Variants in VEPH1 observed in about 807,000 individuals in gnomAD.
VEPH1 encodes the protein ventricular zone-expressed PH domain-containing protein homolog 1.
A neutral mutation model predicts 85.2 loss-of-function variants in VEPH1; 80 were observed. That is an observed-to-expected ratio of 0.94 (90% CI 0.78 to 1.13). The LOEUF is 1.13. Ranked by LOEUF, VEPH1 falls within the 50% of genes most tolerant of loss-of-function variation. VEPH1 has a pLI of 0.00. For missense variants in VEPH1, 955 were observed against 980.5 expected (o/e 0.97, Z 0.35); for synonymous variants, 297 against 348.0 (o/e 0.85, Z 1.63).
intron 10 of VEPH1, chr3:157,316,136 A>T (rs1720731516): frequency 6.6e-6 from 1 of 152,020 alleles, no homozygotes; most frequent in Non-Finnish European, 1.5e-5. Context: ...ATTAAAATTC[A>T]TTATTTCCCA....
At chr3:157,442,530 C>T (rs1577670464) in intron 4 of VEPH1, 2 of 1,614,136 alleles carry the variant, frequency 1.2e-6, no homozygotes, top group East Asian at 4.5e-5. Context: ...AAAGAGGAAT[C>T]CATATGAAAT....
At chr3:157,437,648 GGGA>G (rs1733722792) in intron 4 of VEPH1, 1 of 1,546,480 alleles carries the variant, frequency 6.5e-7, no homozygotes, top group South Asian at 1.2e-5. Flanking sequence ...CAGAGGCTGC[GGGA>G]GGAGCTGGGC....
intron 12 of VEPH1, among the ~76,000 whole-genome samples, chr3:157,284,218 T>A (rs982138590): frequency 4.6e-5 from 7 of 152,234 alleles, no homozygotes; most frequent in African/African-American, 1.7e-4. Context: ...ATTCATTCAT[T>A]CATTCATTCA....
At chr3:157,351,682 A>G (rs1008663624) in intron 9 of VEPH1, among the ~76,000 whole-genome samples, 2 of 152,174 alleles carry the variant, frequency 1.3e-5, no homozygotes, top group Non-Finnish European at 2.9e-5. Flanking sequence ...TGCTGATTCA[A>G]TAGGTCTAGG....
At position 157,414,018 on chromosome 3, in the gene VEPH1, T is replaced by A; in HGVS notation, c.769A>T (p.Ile257Phe). The change falls in exon 6 of 14, where the codon ATC becomes TTC. Residue 257 changes from isoleucine to phenylalanine, a missense_variant. Transcript: ENST00000362010. ...TCATAGACTGCTATCTCTATGAGGATGTTTAGGATGATGTCATTATGGGTT... is the reference window on the plus strand; with the variant it reads ...TCATAGACTGCTATCTCTATGAGGAAGTTTAGGATGATGTCATTATGGGTT... ...DSTHNDIILN[I>F]LIEIAVYEPV... 6.2e-7 allele frequency: 1 copy of A among 1,613,492 alleles called. No individual in the cohort carries two copies.
chr3:157,484,595 T>C (rs778689924), intron 2 of VEPH1, among the ~76,000 whole-genome samples: 5 of 152,200 alleles, frequency 3.3e-5, no homozygotes, highest in Non-Finnish European at 7.4e-5. Flanking sequence ...ATACATTTTT[T>C]TAAAGCCTCT....
At position 157,335,673 on chromosome 3, in the gene VEPH1, G is replaced by A. The variant is rs564106345; in HGVS notation, c.1736-18472C>T. ...AGTGTGGGACAGAAGAAGGAATAGA[G>A]TACAAAAAGTGTCCATCTCTACAAA... On this transcript the variant is annotated intron_variant, in intron 9 of 13. Coordinates refer to ENST00000362010, the MANE Select transcript of VEPH1 (RefSeq NM_001167912.2). 2.4e-4 allele frequency among the ~76,000 whole-genome samples: 37 copies of A among 152,222 alleles called. 1 individual carries two copies. Among genetic ancestry groups the A allele is most frequent in the African/African-American group, 8.9e-4 (37 of 41,542 alleles).
At chr3:157,341,994 C>G (rs1028165550) in intron 9 of VEPH1, among the ~76,000 whole-genome samples, 1 of 152,170 alleles carries the variant, frequency 6.6e-6, no homozygotes, top group South Asian at 2.1e-4. Context: ...TTGTCACCAC[C>G]AGGCCTGCCC....
intron 6 of VEPH1, among the ~76,000 whole-genome samples, chr3:157,382,417 A>C (rs868659592): frequency 1.1e-4 from 16 of 152,346 alleles, no homozygotes; most frequent in Middle Eastern, 3.4e-3. Flanking sequence ...GAAGTTAGCC[A>C]AAAAATTCAA....
In VEPH1 at chr3:157,271,590, G is replaced by A. The variant is rs183466625; in HGVS notation, c.2129-5928C>T. Reference sequence around the variant, plus strand: ...GTGGCCTGGAATAGAGGACACTGTCGACCCTCGGTGTCCAAGCAGGGAGGC... The same window carrying A: ...GTGGCCTGGAATAGAGGACACTGTCAACCCTCGGTGTCCAAGCAGGGAGGC... On this transcript the variant is annotated intron_variant, in intron 12 of 13. Coordinates refer to ENST00000362010, the MANE Select transcript of VEPH1 (RefSeq NM_001167912.2). Among the ~76,000 whole-genome samples the A allele has an allele frequency of 2.2e-3, 331 of 152,212 alleles. 1 individual carries two copies. The highest frequency in any genetic ancestry group is 3.4e-3 in the Non-Finnish European group (230 of 68,012).
chr3:157,409,785 G>T, intron 6 of VEPH1: 1 of 985,298 alleles, frequency 1.0e-6, no homozygotes, highest in African/African-American at 1.7e-5. Flanking sequence ...AGAAGGTGAG[G>T]CATAAGCCAA....
intron 9 of VEPH1, among the ~76,000 whole-genome samples, chr3:157,334,045 G>T (rs565402506): frequency 2.0e-5 from 3 of 152,258 alleles, no homozygotes; most frequent in African/African-American, 7.2e-5. Context: ...TTGGTGCAGG[G>T]TATATAGGAC....
At chr3:157,424,122 G>T (rs1421754676) in intron 5 of VEPH1, among the ~76,000 whole-genome samples, 1 of 152,128 alleles carries the variant, frequency 6.6e-6, no homozygotes, top group Non-Finnish European at 1.5e-5. Flanking sequence ...TTTGAATAAT[G>T]GGGGAAGTTT....
chr3:157,385,802 AACTT>A (rs1729230105), intron 6 of VEPH1, among the ~76,000 whole-genome samples: 1 of 152,206 alleles, frequency 6.6e-6, no homozygotes, highest in South Asian at 2.1e-4. Context: ...GACTTTAATT[AACTT>A]TGTATCCTAT....
chr3:157,330,172 T>C (rs983139409), intron 9 of VEPH1, among the ~76,000 whole-genome samples: 8 of 152,230 alleles, frequency 5.3e-5, no homozygotes, highest in Admixed American at 5.2e-4. Flanking sequence ...ATTTTCCCTA[T>C]TCTTTACATC....
In VEPH1 at chr3:157,470,495, A is replaced by T; in HGVS notation, c.173T>A (p.Val58Asp). 1 of 1,614,176 alleles carries T rather than the reference A, an allele frequency of 6.2e-7. No homozygotes were observed. The highest frequency in any genetic ancestry group is 8.5e-7 in the Non-Finnish European group (1 of 1,180,028). The change falls in exon 3 of 14, where the codon GTT (valine) becomes GAT (aspartate). Residue 58 changes from valine to aspartate, a missense_variant. Val to Asp is a radical substitution (Grantham distance 152). Coordinates refer to ENST00000362010, the MANE Select transcript of VEPH1 (RefSeq NM_001167912.2). Reference sequence around the variant, plus strand: ...TGTGATTCTTGTGATACAGATTTCAACTACTGCCTGGTCATTGTTATTGGT... The same window carrying T: ...TGTGATTCTTGTGATACAGATTTCATCTACTGCCTGGTCATTGTTATTGGT... ...YQTNNNDQAV[V>D]EICITRITTA...
intron 4 of VEPH1, among the ~76,000 whole-genome samples, chr3:157,445,783 AT>A (rs772653190): frequency 6.6e-6 from 1 of 152,220 alleles, no homozygotes; most frequent in Non-Finnish European, 1.5e-5. Flanking sequence ...GCGAGACTTC[AT>A]CTCAAAAAAG....
chr3:157,357,906 T>C (rs1445460149), intron 9 of VEPH1, among the ~76,000 whole-genome samples: 1 of 152,206 alleles, frequency 6.6e-6, no homozygotes, highest in Non-Finnish European at 1.5e-5. Flanking sequence ...TAAAGTTATG[T>C]TATGTCTTCT....
intron 11 of VEPH1, among the ~76,000 whole-genome samples, chr3:157,294,269 C>A (rs751825471): frequency 3.3e-5 from 5 of 152,148 alleles, no homozygotes; most frequent in Non-Finnish European, 5.9e-5. Context: ...TCCCTAATAC[C>A]ACTTTAATTC....
Sources: allele counts gnomAD v4.1 joint callset (sites outside exome capture counted in the v4.1 genomes callset), GRCh38; gene constraint gnomAD v4.1.1; transcripts MANE v1.5; gene names NCBI Gene and HGNC (gene_info 2026-07-23, HGNC 2026-07-21).